HMCN2: variants seen among roughly 807,000 people sequenced by gnomAD.
HMCN2 encodes hemicentin 2, also known as hemicentin-2.
A neutral mutation model predicts 377.5 loss-of-function variants in HMCN2; 325 were observed. The ratio of observed to expected loss-of-function variants is 0.86; its 90% confidence interval spans 0.79 to 0.94. HMCN2 has a LOEUF of 0.94. Ranked by LOEUF, HMCN2 falls within the 40% of genes least tolerant of loss-of-function variation. The probability of loss-of-function intolerance (pLI) is 0.00; values close to 1 mark genes in which losing one functional copy is unlikely to be tolerated. For missense variants in HMCN2, 4,543 were observed against 4,725.3 expected (o/e 0.96, Z 1.13); for synonymous variants, 2,007 against 2,046.8 (o/e 0.98, Z 0.53).
intron 75 of HMCN2, 92 bp from the exon 76 acceptor site, chr9:130,399,419 G>A (rs11244165): frequency 0.15 from 173,858 of 1,159,406 alleles, 13,593 homozygotes; most frequent in African/African-American, 0.21. Flanking sequence ...GATACAGGAA[G>A]GGGAAATGGG....
rs943274941 is a variant in HMCN2, at chr9:130,354,646, G to C, written c.4865-117G>C. ...GGTTCAGCCACTGGAGGTGAGGGAA[G>C]GAAGTGTTTCACATGGAGTGGGGTC... On this transcript the variant is annotated intron_variant, in intron 31 of 97. Coordinates refer to ENST00000683500, the MANE Select transcript of HMCN2 (RefSeq NM_001291815.2). 29 of 877,520 alleles carry C rather than the reference G, an allele frequency of 3.3e-5. No individual in the cohort carries two copies. The Admixed American group carries it at 8.1e-4, about 24-fold the overall frequency. 54.4% of individuals were successfully genotyped at this position (877,520 alleles called of 1,614,324 possible).
chr9:130,346,917 C>T (rs1002480706), intron 25 of HMCN2, among the ~76,000 whole-genome samples: 21 of 152,226 alleles, frequency 1.4e-4, no homozygotes, highest in South Asian at 6.2e-4. Context: ...AACAGGCCTG[C>T]AGTCCCCGCC....
chr9:130,363,457 A>G (rs1475290215), intron 40 of HMCN2, among the ~76,000 whole-genome samples: 2 of 152,142 alleles, frequency 1.3e-5, no homozygotes, highest in Non-Finnish European at 2.9e-5. Flanking sequence ...TCATGAAGCT[A>G]CTGTAACCAC....
At chr9:130,285,076 C>T (rs1393864196) in intron 2 of HMCN2, 82 bp from the exon 3 acceptor site, 3 of 440,406 alleles carry the variant, frequency 6.8e-6, no homozygotes, top group Admixed American at 2.5e-5. Flanking sequence ...ACTCCCTATG[C>T]CCAGTGGTTT....
At chr9:130,429,368 G>A in intron 93 of HMCN2, 189 bp from the exon 94 acceptor site, 2 of 666,264 alleles carry the variant, frequency 3.0e-6, no homozygotes, top group South Asian at 2.0e-5. Context: ...TCTGGGACCT[G>A]GAACCCTGTT....
chr9:130,348,419 G>A lies in HMCN2; in HGVS notation c.4025-126G>A, dbSNP rs927092168. ...TCCACAGGACCCTTTGTGGCTGGGC[G>A]GACGGGGACAGGCAGACCTTCTCCA... On this transcript the variant is annotated intron_variant, in intron 26 of 97. Coordinates refer to ENST00000683500, the MANE Select transcript of HMCN2 (RefSeq NM_001291815.2). 6.6e-6 allele frequency: 8 copies of A among 1,213,864 alleles called. No homozygotes were observed. In the East Asian group the frequency reaches 4.1e-4, roughly 62 times the overall value. The allele number at this position is 1,213,864 out of a possible 1,614,324, so 75.2% of individuals were successfully genotyped here. A position where few individuals can be genotyped will look rare whatever the true frequency, so the allele number is the denominator to read the frequency against.
chr9:130,348,125 G>A (rs530914642), intron 26 of HMCN2: 1 of 798,226 alleles, frequency 1.3e-6, no homozygotes, highest in African/African-American at 1.9e-5. Flanking sequence ...GCCACCTGCT[G>A]CTTCCCCAGG....
intron 4 of HMCN2, among the ~76,000 whole-genome samples, chr9:130,291,787 A>G (rs903014845): frequency 2.0e-5 from 3 of 152,234 alleles, no homozygotes; most frequent in Non-Finnish European, 4.4e-5. Context: ...CATTCTATAC[A>G]TAGCCCATGT....
chr9:130,368,481 C>T lies in HMCN2; in HGVS notation c.6787+44C>T, dbSNP rs1380432936. The T allele has an allele frequency of 5.1e-6, 5 of 972,656 alleles. No homozygotes were observed. In the South Asian group the frequency reaches 1.9e-4, roughly 37 times the overall value. 60.3% of individuals were successfully genotyped at this position (972,656 alleles called of 1,614,324 possible). On this transcript the variant is annotated intron_variant, in intron 44 of 97. Transcript: ENST00000683500. ...GGCTGGAAGGGTCTGGGATCATGGA[C>T]TGGCTGGGCAGGCGCTGCCCTGAAA...
At chr9:130,297,368 A>AGG (rs1444507714) in intron 7 of HMCN2, among the ~76,000 whole-genome samples, 7 of 152,210 alleles carry the variant, frequency 4.6e-5, no homozygotes, top group African/African-American at 1.7e-4. Flanking sequence ...CCAGGGTCCG[A>AGG]GGATGCCTGC....
At chr9:130,335,911 C>T (rs1479247194) in intron 22 of HMCN2, among the ~76,000 whole-genome samples, 1 of 152,136 alleles carries the variant, frequency 6.6e-6, no homozygotes, top group Non-Finnish European at 1.5e-5. Flanking sequence ...TTAGTAAAAC[C>T]CCAATTCCTA....
At chr9:130,279,292 G>A (rs1358646411) in intron 1 of HMCN2, among the ~76,000 whole-genome samples, 5 of 152,126 alleles carry the variant, frequency 3.3e-5, no homozygotes, top group African/African-American at 1.2e-4. Flanking sequence ...TCTTCTCTTG[G>A]GGCCTCAGTT....
In HMCN2 at chr9:130,348,552, C is replaced by T; in HGVS notation, c.4032C>T (p.Pro1344=). ...GCTCTCCTTGCCCCCAAGTGCCCCC[C>T]AGCATCCGGGAGGACGGGCGCAAGG... ...RRAKLVVYVP[P]SIREDGRKAN... Residue 1344 remains proline (P), a synonymous_variant, in exon 27 of 98, where the codon CCC becomes CCT. Coordinates refer to ENST00000683500, the MANE Select transcript of HMCN2 (RefSeq NM_001291815.2). 5 of 1,304,032 alleles carry T rather than the reference C, an allele frequency of 3.8e-6. No homozygotes were observed. The highest frequency in any genetic ancestry group is 4.0e-6 in the Non-Finnish European group (4 of 988,860). 80.8% of individuals were successfully genotyped at this position (1,304,032 alleles called of 1,614,324 possible).
rs949965982 is a variant in HMCN2 at position 130,402,966 on chromosome 9, G to A, written c.11878+70G>A. ...AGCAGGTGGAGAGCCAGAGGCAGGT[G>A]GGGCTCAGGATGGAGGTGAGGCCCC... On this transcript the variant is annotated intron_variant, in intron 78 of 97. Transcript: ENST00000683500. The A allele has an allele frequency of 2.5e-6, 3 of 1,199,030 alleles. No homozygotes were observed. The African/African-American group carries it at 4.7e-5, about 19-fold the overall frequency. 74.3% of individuals were successfully genotyped at this position (1,199,030 alleles called of 1,614,324 possible). A position where few individuals can be genotyped will look rare whatever the true frequency, so the allele number is the denominator to read the frequency against.
rs1453131108 is a variant in HMCN2, at chr9:130,347,981, C to T, written c.4025-564C>T. On this transcript the variant is annotated intron_variant, in intron 26 of 97. Transcript: ENST00000683500. The surrounding 1 kb of genome is among the most constrained non-coding windows in gnomAD (Gnocchi z 5.1). ...TCTTGTCCTCAGCAGGGAGAGCGCC[C>T]ACCCCCACATCCAGGGTGCTATGTG... 1 of 985,250 alleles carries T rather than the reference C, an allele frequency of 1.0e-6. No individual in the cohort carries two copies. Among genetic ancestry groups the T allele is most frequent in the East Asian group, 1.1e-4 (1 of 8,822 alleles). 61.0% of individuals were successfully genotyped at this position (985,250 alleles called of 1,614,324 possible).
chr9:130,334,778 T>C (rs1302624871), intron 22 of HMCN2, among the ~76,000 whole-genome samples: 1 of 127,860 alleles, frequency 7.8e-6, no homozygotes, highest in African/African-American at 2.9e-5. Context: ...TCTCTCTCTC[T>C]CCCTCTTCCT....
rs1010546688 is a variant in HMCN2 at position 130,394,854 on chromosome 9, C to G, written c.10693-173C>G. Among the ~76,000 whole-genome samples, 80 of 152,172 alleles carry G rather than the reference C, an allele frequency of 5.3e-4. No homozygotes were observed. Among genetic ancestry groups the G allele is most frequent in the African/African-American group, 1.9e-3 (78 of 41,436 alleles). ...TGGGAAGAGGCAGGCATCACACCAG[C>G]CCTAAAGCAACAGTGAGATGGAGGG... is the stretch of plus-strand genomic sequence containing the variant. On this transcript the variant is annotated intron_variant, in intron 69 of 97. Transcript: ENST00000683500. The surrounding 1 kb of genome is among the most constrained non-coding windows in gnomAD (Gnocchi z 5.1).
intron 33 of HMCN2, 64 bp downstream of exon 33, chr9:130,355,918 T>TG (rs1439159126): frequency 5.7e-6 from 6 of 1,052,062 alleles, no homozygotes; most frequent in Non-Finnish European, 7.8e-6. Flanking sequence ...TTGCGGATTG[T>TG]GGGGGGAAGT....
chr9:130,389,601 G>A (rs62580989), intron 62 of HMCN2, among the ~76,000 whole-genome samples: 2 of 150,838 alleles, frequency 1.3e-5, no homozygotes, highest in Non-Finnish European at 2.9e-5. Flanking sequence ...TTGAGACGGG[G>A]TCTCGCTCTG....
Sources: gnomAD v4.1 joint callset for allele counts (sites outside exome capture counted in the v4.1 genomes callset) on GRCh38, gnomAD v4.1.1 for gene constraint, Gnocchi (gnomAD v3.1) non-coding constraint, MANE v1.5 for transcripts, NCBI Gene and HGNC (gene_info 2026-07-23, HGNC 2026-07-21) for gene names.